The following ALOX5 variants were observed in gnomAD, a reference collection of about 807,000 sequenced individuals.
ALOX5 encodes arachidonate 5-lipoxygenase.
A neutral mutation model predicts 87.9 loss-of-function variants in ALOX5; 64 were observed. That is an observed-to-expected ratio of 0.73 (90% CI 0.60 to 0.90). ALOX5 has a LOEUF of 0.90. ALOX5 is among the 40% of genes least tolerant of loss of function. The pLI is 0.00. For synonymous variants in ALOX5, 388 were observed against 355.1 expected, an observed-to-expected ratio of 1.09 and a Z score of -1.04; for missense variants, 822 against 907.5, an observed-to-expected ratio of 0.91 and a Z score of 1.21.
chr10:45,419,863 G>C (rs954538420), intron 4 of ALOX5, among the ~76,000 whole-genome samples: 1 of 152,238 alleles, frequency 6.6e-6, no homozygotes, highest in Non-Finnish European at 1.5e-5. Flanking sequence ...GAGGAAGGGA[G>C]GGACGTAGCA....
intron 1 of ALOX5, among the ~76,000 whole-genome samples, chr10:45,382,107 C>T (rs1197449614): frequency 2.6e-5 from 4 of 152,212 alleles, no homozygotes; most frequent in Admixed American, 1.3e-4. Context: ...AATGAATCAT[C>T]GTGAGATGTG....
At chr10:45,444,060 C>T in intron 12 of ALOX5, 56 bp from the exon 13 acceptor site, 1 of 1,488,744 alleles carries the variant, frequency 6.7e-7, no homozygotes, top group East Asian at 2.5e-5. Flanking sequence ...GCCCAGGGGG[C>T]AGCTGGGCAG....
chr10:45,438,368 A>G (rs923780847), intron 7 of ALOX5, among the ~76,000 whole-genome samples: 2 of 152,128 alleles, frequency 1.3e-5, no homozygotes, highest in African/African-American at 4.8e-5. Context: ...GTTTCCCCCC[A>G]TGTAAAATGG....
chr10:45,443,291 C>A (rs1349466996), intron 10 of ALOX5, 75 bp downstream of exon 10: 8 of 1,583,468 alleles, frequency 5.1e-6, no homozygotes, highest in Non-Finnish European at 6.9e-6. Context: ...GGGCCTGGCC[C>A]CTCCACCGCT....
intron 2 of ALOX5, among the ~76,000 whole-genome samples, chr10:45,394,176 G>A (rs1840410693): frequency 6.6e-6 from 1 of 152,188 alleles, no homozygotes; most frequent in Non-Finnish European, 1.5e-5. Context: ...AACAAAGCTG[G>A]AGGCATCATG....
chr10:45,441,573 C>A (rs1417124026), intron 9 of ALOX5, 143 bp downstream of exon 9: 2 of 758,274 alleles, frequency 2.6e-6, no homozygotes, highest in East Asian at 5.4e-5. Context: ...CCAGCATCCT[C>A]CTGATGTCTC....
chr10:45,374,567 C>G (rs2132657646), intron 1 of ALOX5, 138 bp downstream of exon 1: 1 of 833,372 alleles, frequency 1.2e-6, no homozygotes, highest in East Asian at 3.4e-5. Context: ...AGGACCCTGT[C>G]AGGGAGGGCA....
At chr10:45,397,992 A>G (rs190446062) in intron 3 of ALOX5, among the ~76,000 whole-genome samples, 6 of 152,348 alleles carry the variant, frequency 3.9e-5, no homozygotes, top group Admixed American at 6.5e-5. Flanking sequence ...CAAGCTGTCA[A>G]TTCTGCAAAT....
chr10:45,415,716 A>G (rs1027964142), intron 4 of ALOX5, among the ~76,000 whole-genome samples: 6 of 152,200 alleles, frequency 3.9e-5, no homozygotes, highest in Non-Finnish European at 8.8e-5. Flanking sequence ...AAGGGAGGGC[A>G]TGGTCACGTT....
In ALOX5 at chr10:45,445,576, C is replaced by T; in HGVS notation, c.1914C>T (p.Phe638=). 6.2e-7 allele frequency: 1 copy of T among 1,614,176 alleles called. No individual in the cohort carries two copies. Among genetic ancestry groups the T allele is most frequent in the Non-Finnish European group, 8.5e-7 (1 of 1,180,030 alleles). Residue 638 remains phenylalanine, a synonymous_variant, in exon 14 of 14, where the codon TTC becomes TTT. Coordinates refer to ENST00000374391, the MANE Select transcript of ALOX5 (RefSeq NM_000698.5). ...EKPVKEAMAR[F]RKNLEAIVSV... is the part of the protein sequence containing the mutation. ...CTGTGAAGGAAGCCATGGCCCGATT[C>T]CGCAAGAACCTCGAGGCCATTGTCA...
intron 1 of ALOX5, among the ~76,000 whole-genome samples, chr10:45,380,666 G>A (rs779543190): frequency 5.9e-5 from 9 of 152,228 alleles, no homozygotes; most frequent in African/African-American, 2.2e-4. Flanking sequence ...CAGGGGCCAG[G>A]CACAGTGGCT....
intron 13 of ALOX5, 134 bp from the exon 14 acceptor site, chr10:45,445,374 T>G: frequency 2.8e-6 from 3 of 1,075,614 alleles, no homozygotes; most frequent in East Asian, 2.5e-5. Flanking sequence ...CAGCAGAGGG[T>G]GAATATGGGG....
At chr10:45,444,327 A>G in intron 13 of ALOX5, 41 bp downstream of exon 13, 1 of 1,516,372 alleles carries the variant, frequency 6.6e-7, no homozygotes, top group Non-Finnish European at 8.9e-7. Context: ...AGGTCACCCC[A>G]GGTTAAGCGG....
chr10:45,385,820 T>C (rs1839988698), intron 2 of ALOX5, among the ~76,000 whole-genome samples: 1 of 152,152 alleles, frequency 6.6e-6, no homozygotes, highest in Non-Finnish European at 1.5e-5. Context: ...AGTTCCAAGC[T>C]CAAGGATGAA....
At chr10:45,392,044 A>C (rs1420266560) in intron 2 of ALOX5, among the ~76,000 whole-genome samples, 1 of 149,402 alleles carries the variant, frequency 6.7e-6, no homozygotes, top group African/African-American at 2.5e-5. Flanking sequence ...GGAGGGGTTC[A>C]GCCCCCCGCC....
At chr10:45,392,007 G>C (rs1225088744) in intron 2 of ALOX5, among the ~76,000 whole-genome samples, 2 of 151,030 alleles carry the variant, frequency 1.3e-5, no homozygotes, top group East Asian at 2.0e-4. Flanking sequence ...TCAGCCCCCC[G>C]CCCGGCCAGC....
chr10:45,424,686 C>T (rs1841631629), intron 5 of ALOX5, among the ~76,000 whole-genome samples: 1 of 152,072 alleles, frequency 6.6e-6, no homozygotes, highest in South Asian at 2.1e-4. Context: ...TCCACGCCCT[C>T]CTTCTTCCAT....
chr10:45,409,594 T>C (rs1191581950), intron 3 of ALOX5, among the ~76,000 whole-genome samples: 1 of 143,564 alleles, frequency 7.0e-6, no homozygotes, highest in Admixed American at 7.0e-5. Flanking sequence ...TCTCTGTCTC[T>C]CTGTCTCTCT....
intron 4 of ALOX5, among the ~76,000 whole-genome samples, chr10:45,417,999 G>A (rs774118907): frequency 1.6e-4 from 25 of 152,124 alleles, no homozygotes; most frequent in Admixed American, 2.0e-4. Flanking sequence ...TCTCCACATC[G>A]TCCTGTCATT....
Sources: gnomAD v4.1 joint callset for allele counts (sites outside exome capture counted in the v4.1 genomes callset) on GRCh38, gnomAD v4.1.1 for gene constraint, MANE v1.5 for transcripts, NCBI Gene and HGNC (gene_info 2026-07-23, HGNC 2026-07-21) for gene names.